The following CC2D1A variants were observed in gnomAD, a reference collection of about 807,000 sequenced individuals.
CC2D1A encodes the protein coiled-coil and C2 domain containing 1A, also known as coiled-coil and C2 domain-containing protein 1A.
A neutral mutation model predicts 123.8 loss-of-function variants in CC2D1A; 68 were observed. That is an observed-to-expected ratio of 0.55 (90% CI 0.45 to 0.67). CC2D1A has a LOEUF of 0.67. CC2D1A is among the 30% of genes least tolerant of loss of function. The pLI is 0.00. For synonymous variants in CC2D1A, 477 were observed against 528.0 expected, an observed-to-expected ratio of 0.90 and a Z score of 1.32; for missense variants, 1,185 against 1,290.3, an observed-to-expected ratio of 0.92 and a Z score of 1.25.
At chr19:13,913,936 C>G (rs1373943316) in intron 6 of CC2D1A, among the ~76,000 whole-genome samples, 1 of 152,172 alleles carries the variant, frequency 6.6e-6, no homozygotes, top group South Asian at 2.1e-4. Flanking sequence ...GGCTGGAGCG[C>G]AGTGGCACGA....
intron 6 of CC2D1A, among the ~76,000 whole-genome samples, chr19:13,916,121 G>C (rs1352003103): frequency 6.6e-6 from 1 of 152,208 alleles, no homozygotes; most frequent in African/African-American, 2.4e-5. Flanking sequence ...GCTGGGCGTG[G>C]TGGTGCATGC....
At position 13,929,363 on chromosome 19, in the gene CC2D1A, T is replaced by G; in HGVS notation, c.2520-16T>G. ...GGGGAATCTCTGCAGTCCCTTATCC[T>G]TCCTCCACCCCTTAGATCAGCCCGG... is the stretch of plus-strand genomic sequence containing the variant. On this transcript the variant is annotated splice_polypyrimidine_tract_variant and intron_variant, in intron 24 of 28. Transcript: ENST00000318003. The G allele has an allele frequency of 6.2e-7, 1 of 1,613,328 alleles. No individual in the cohort carries two copies.
At position 13,928,150 on chromosome 19, in the gene CC2D1A, C is replaced by T. The variant is rs1256492408; in HGVS notation, c.2481C>T (p.Ala827=). 1.2e-6 allele frequency: 2 copies of T among 1,613,640 alleles called. No individual in the cohort carries two copies. The highest frequency in any genetic ancestry group is 1.1e-5 in the South Asian group (1 of 91,070). ...AGGTTGCTGGGCCCAAAGGGAAGGC[C>T]CCTCCTGTGCCTGCCCCTGCAAGGG... ...PTQVAGPKGK[A]PPVPAPARES... The change falls in exon 24 of 29, where the codon GCC becomes GCT. Residue 827 remains alanine, a synonymous_variant. Transcript: ENST00000318003.
intron 22 of CC2D1A, 76 bp from the exon 23 acceptor site, chr19:13,927,817 G>A: frequency 7.9e-7 from 1 of 1,262,798 alleles, no homozygotes; most frequent in South Asian, 1.3e-5. Flanking sequence ...AACCAGTCTT[G>A]TTCTCCCTTG....
Position 13,930,258 on chromosome 19 carries a change from C to G in CC2D1A, c.2804C>G (p.Ala935Gly). 1 of 1,613,946 alleles carries G rather than the reference C, an allele frequency of 6.2e-7. No individual in the cohort carries two copies. The highest frequency in any genetic ancestry group is 2.2e-5 in the East Asian group (1 of 44,870). Reference sequence around the variant, plus strand: ...CCCCCACAGGATGCTGCAAAGGAGGCGCTCTATAGGCGGAATCTGGTAGAG... The same window carrying G: ...CCCCCACAGGATGCTGCAAAGGAGGGGCTCTATAGGCGGAATCTGGTAGAG... Reference protein sequence around the residue: ...NDGSRDAAKEALYRRNLVESE... With the variant: ...NDGSRDAAKEGLYRRNLVESE... Residue 935 changes from alanine (A) to glycine (G), a missense_variant, in exon 28 of 29, where the codon GCG becomes GGG. Physicochemically the swap from Ala to Gly is moderately conservative, Grantham distance 60. Coordinates refer to ENST00000318003, the MANE Select transcript of CC2D1A (RefSeq NM_017721.5). This position sits in a 1 kb window ranked among gnomAD's most constrained non-coding sequence, Gnocchi z 6.8.
chr19:13,926,030 A>ATATATATATATATACGTATATATATGTG lies in CC2D1A; in HGVS notation c.1941-472_1941-471insGTATATATATGTGTATATATATATATAC, dbSNP rs1568418939. Among the ~76,000 whole-genome samples the ATATATATATATATACGTATATATATGTG allele has an allele frequency of 3.4e-5, 3 of 87,688 alleles. 1 individual carries two copies. Among genetic ancestry groups the ATATATATATATATACGTATATATATGTG allele is most frequent in the Admixed American group, 1.2e-4 (1 of 8,236 alleles). 57.5% of individuals were successfully genotyped at this position (87,688 alleles called of 152,430 possible). A position where few individuals can be genotyped will look rare whatever the true frequency, so the allele number is the denominator to read the frequency against. On this transcript the variant is annotated intron_variant, in intron 17 of 28. Coordinates refer to ENST00000318003, the MANE Select transcript of CC2D1A (RefSeq NM_017721.5). ...TATATATATACGTATATATATGTGTATATATATATATATACACGTATATAT... is the reference window on the plus strand; with the variant it reads ...TATATATATACGTATATATATGTGTATATATATATATATACGTATATATATGTGTATATATATATATACACGTATATAT...
At chr19:13,915,947 A>G (rs1042641369) in intron 6 of CC2D1A, among the ~76,000 whole-genome samples, 1 of 152,136 alleles carries the variant, frequency 6.6e-6, no homozygotes, top group Non-Finnish European at 1.5e-5. Flanking sequence ...CTCTTGGTGT[A>G]CCAAAACTAT....
rs200445152 is a variant in CC2D1A, at chr19:13,919,871, G to C, written c.1276G>C (p.Val426Leu). 5.0e-6 allele frequency: 8 copies of C among 1,612,912 alleles called. No homozygotes were observed. The African/African-American group carries it at 8.0e-5, about 16-fold the overall frequency. The change falls in exon 12 of 29, where the codon GTG becomes CTG. Residue 426 changes from valine (V) to leucine (L), a missense_variant. Val to Leu is a conservative substitution (Grantham distance 32). Transcript: ENST00000318003. ...EATKPTQQSL[V>L]GVLETAMKLA... Reference sequence around the variant, plus strand: ...CACCAAGCCCACCCAGCAGAGTCTGGTGGGTGTCCTGGAGACTGCCATGAA... The same window carrying C: ...CACCAAGCCCACCCAGCAGAGTCTGCTGGGTGTCCTGGAGACTGCCATGAA...
Position 13,918,675 on chromosome 19 carries a change from C to T in CC2D1A, c.947-71C>T, listed in dbSNP as rs903709715. On this transcript the variant is annotated intron_variant, in intron 8 of 28. Transcript: ENST00000318003. ...CTGTTGGTCAGGCCCAGAGACCACC[C>T]TCAGGCCAGACCAGCTTGTCGGGGG... The T allele has an allele frequency of 5.9e-5, 93 of 1,580,844 alleles. 1 individual carries two copies. The African/African-American group carries it at 1.2e-3, about 20-fold the overall frequency.
chr19:13,919,794 A>G (rs758254386), intron 11 of CC2D1A, 24 bp from the exon 12 acceptor site: 1 of 1,574,690 alleles, frequency 6.4e-7, no homozygotes. Flanking sequence ...ACACACAATA[A>G]CCAGGCCTCG....
chr19:13,912,601 T>G lies in CC2D1A; in HGVS notation c.378+8T>G. ...CCACCTCCTGTGGCCCAGGTACAGT[T>G]TGGATGACTCCACTCCCTTGAACCA... On this transcript the variant is annotated splice_region_variant and intron_variant, in intron 4 of 28. Coordinates refer to ENST00000318003, the MANE Select transcript of CC2D1A (RefSeq NM_017721.5). 6.2e-7 allele frequency: 1 copy of G among 1,613,690 alleles called. No homozygotes were observed. Among genetic ancestry groups the G allele is most frequent in the Non-Finnish European group, 8.5e-7 (1 of 1,179,914 alleles).
intron 6 of CC2D1A, among the ~76,000 whole-genome samples, chr19:13,915,881 G>C (rs1267101344): frequency 6.6e-6 from 1 of 152,018 alleles, no homozygotes; most frequent in African/African-American, 2.4e-5. Flanking sequence ...TGATTGTTAG[G>C]GATTGGACCC....
chr19:13,920,054 C>T (rs1286395684), intron 12 of CC2D1A, 103 bp downstream of exon 12: 3 of 1,223,248 alleles, frequency 2.5e-6, no homozygotes, highest in Non-Finnish European at 3.4e-6. Flanking sequence ...TGAGACCATC[C>T]TGGGCCACAC....
At chr19:13,919,099 C>CA (rs758639508) in intron 10 of CC2D1A, 31 bp from the exon 11 acceptor site, 2 of 1,604,234 alleles carry the variant, frequency 1.2e-6, no homozygotes, top group Non-Finnish European at 1.7e-6. Flanking sequence ...AGCCCTCCCA[C>CA]AGGCAGCCCT....
Position 13,913,240 on chromosome 19 carries a change from A to G in CC2D1A, c.451A>G (p.Ile151Val), listed in dbSNP as rs1043330546. The G allele has an allele frequency of 6.2e-7, 1 of 1,613,594 alleles. No individual in the cohort carries two copies. The highest frequency in any genetic ancestry group is 8.5e-7 in the Non-Finnish European group (1 of 1,179,936). Residue 151 changes from isoleucine (I) to valine (V), a missense_variant, in exon 5 of 29, where the codon ATT becomes GTT. Physicochemically the swap from Ile to Val is conservative, Grantham distance 29 (BLOSUM62 3). Transcript: ENST00000318003. ...QERLALYQTAIESARQAGDSA... is the reference protein window; with the variant it reads ...QERLALYQTAVESARQAGDSA... ...GAGGCTGGCGCTCTATCAGACAGCA[A>G]TTGAAAGCGCCAGACAAGCTGGAGA...
intron 17 of CC2D1A, among the ~76,000 whole-genome samples, chr19:13,924,767 CCACTTTCTA>C (rs1158421696): frequency 6.6e-6 from 1 of 152,126 alleles, no homozygotes; most frequent in Non-Finnish European, 1.5e-5. Context: ...CCCATTTTCT[CCACTTTCTA>C]AATGAGGTTA....
intron 24 of CC2D1A, 124 bp downstream of exon 24, chr19:13,928,312 C>A: frequency 1.3e-6 from 1 of 787,906 alleles, no homozygotes; most frequent in Non-Finnish European, 2.1e-6. Context: ...CCTTTCTTGG[C>A]ACCCCTTTTC....
chr19:13,929,434 G>A lies in CC2D1A; in HGVS notation c.2575G>A (p.Glu859Lys). 1 of 1,613,370 alleles carries A rather than the reference G, an allele frequency of 6.2e-7. No individual in the cohort carries two copies. Among genetic ancestry groups the A allele is most frequent in the East Asian group, 2.2e-5 (1 of 44,736 alleles). Residue 859 changes from glutamate (E) to lysine (K), a missense_variant, in exon 25 of 29, where the codon GAG becomes AAG. Glu to Lys is a moderately conservative substitution (Grantham distance 56, BLOSUM62 1). Coordinates refer to ENST00000318003, the MANE Select transcript of CC2D1A (RefSeq NM_017721.5). ...GCTGGCGTTTGACCAAGAGCGTCTG[G>A]AGCGGAAGGTGGGTATCCATCCTGC... ...SVLAFDQERLERKILALRQAR... is the reference protein window; with the variant it reads ...SVLAFDQERLKRKILALRQAR...
intron 22 of CC2D1A, 100 bp from the exon 23 acceptor site, chr19:13,927,793 A>C: frequency 1.5e-6 from 2 of 1,310,134 alleles, no homozygotes; most frequent in Middle Eastern, 2.5e-4. Flanking sequence ...GAAAAAAAAA[A>C]AACCAAAAAA....
Sources: gnomAD v4.1 joint callset for allele counts (sites outside exome capture counted in the v4.1 genomes callset) on GRCh38, gnomAD v4.1.1 for gene constraint, Gnocchi (gnomAD v3.1) non-coding constraint, MANE v1.5 for transcripts, NCBI Gene and HGNC (gene_info 2026-07-23, HGNC 2026-07-21) for gene names.